UBE2E2: variants seen among roughly 807,000 people sequenced by gnomAD.
UBE2E2 encodes the protein ubiquitin conjugating enzyme E2 E2.
Under a neutral mutation model 24.7 loss-of-function variants are expected in UBE2E2, and 6 were observed. The ratio of observed to expected loss-of-function variants is 0.24; its 90% CI spans 0.13 to 0.48. UBE2E2 has a LOEUF of 0.48. UBE2E2 is among the 20% of genes least tolerant of loss of function. UBE2E2 has a pLI of 0.99. For synonymous variants in UBE2E2, 104 were observed against 83.6 expected, an observed-to-expected ratio of 1.24 and a Z score of -1.33; for missense variants, 169 against 245.0, an observed-to-expected ratio of 0.69 and a Z score of 2.07.
At chr3:23,435,908 G>A (rs1698168452) in intron 3 of UBE2E2, among the ~76,000 whole-genome samples, 1 of 152,104 alleles carries the variant, frequency 6.6e-6, no homozygotes, top group South Asian at 2.1e-4. Flanking sequence ...GGCAGGGGCG[G>A]GGCAGGCTGG....
intron 3 of UBE2E2, among the ~76,000 whole-genome samples, chr3:23,433,462 A>T (rs1414709038): frequency 6.6e-6 from 1 of 151,994 alleles, no homozygotes; most frequent in African/African-American, 2.4e-5. Flanking sequence ...TGATGTCAAC[A>T]GTGAATGTTA....
chr3:23,558,185 T>C (rs1287091579), intron 5 of UBE2E2, among the ~76,000 whole-genome samples: 1 of 152,202 alleles, frequency 6.6e-6, no homozygotes, highest in Non-Finnish European at 1.5e-5. Flanking sequence ...GTCTAAATAT[T>C]TCACCATGAC....
At chr3:23,221,087 G>A (rs771936080) in intron 3 of UBE2E2, among the ~76,000 whole-genome samples, 41 of 152,274 alleles carry the variant, frequency 2.7e-4, no homozygotes, top group African/African-American at 9.1e-4. Context: ...GAATGACAGA[G>A]AATCCTTATT....
At chr3:23,259,046 A>G (rs1697825187) in intron 3 of UBE2E2, among the ~76,000 whole-genome samples, 1 of 152,196 alleles carries the variant, frequency 6.6e-6, no homozygotes, top group African/African-American at 2.4e-5. Context: ...TAAGATAACC[A>G]ATTTTATACA....
intron 4 of UBE2E2, 59 bp downstream of exon 4, chr3:23,499,799 A>G (rs1699680812): frequency 6.4e-7 from 1 of 1,563,728 alleles, no homozygotes; most frequent in South Asian, 1.2e-5. Context: ...AGATACATAT[A>G]CTTATTCTTA....
chr3:23,361,554 A>T (rs765119507), intron 3 of UBE2E2, among the ~76,000 whole-genome samples: 2 of 152,342 alleles, frequency 1.3e-5, no homozygotes, highest in Middle Eastern at 3.4e-3. Flanking sequence ...GGTGGACATT[A>T]TTCTAAGTGA....
chr3:23,453,681 A>C (rs1189456167), intron 3 of UBE2E2, among the ~76,000 whole-genome samples: 1 of 152,220 alleles, frequency 6.6e-6, no homozygotes, highest in African/African-American at 2.4e-5. Context: ...ATTGCATATT[A>C]ACGACTTTAT....
At chr3:23,390,371 A>G (rs927076178) in intron 3 of UBE2E2, among the ~76,000 whole-genome samples, 3 of 152,160 alleles carry the variant, frequency 2.0e-5, no homozygotes, top group African/African-American at 4.8e-5. Flanking sequence ...GTCGGAGACT[A>G]CAGATAGATG....
chr3:23,547,852 G>A (rs543048449), intron 5 of UBE2E2, among the ~76,000 whole-genome samples: 31 of 152,218 alleles, frequency 2.0e-4, no homozygotes, highest in African/African-American at 7.5e-4. Flanking sequence ...TACCCACCCA[G>A]CCCTAAGGAG....
At chr3:23,396,321 A>ATATATATACGTATATATATATATGTG (rs1697074823) in intron 3 of UBE2E2, among the ~76,000 whole-genome samples, 2 of 112,418 alleles carry the variant, frequency 1.8e-5, no homozygotes, top group East Asian at 5.3e-4. Flanking sequence ...ATATATATGT[A>ATATATATACGTATATATATATATGTG]TATATATACG....
intron 3 of UBE2E2, among the ~76,000 whole-genome samples, chr3:23,436,621 C>G (rs1698191276): frequency 6.6e-6 from 1 of 151,708 alleles, no homozygotes; most frequent in Non-Finnish European, 1.5e-5. Context: ...CCGCTACACT[C>G]CAACCTTGGT....
At chr3:23,497,734 G>A (rs1401012004) in intron 3 of UBE2E2, among the ~76,000 whole-genome samples, 1 of 152,016 alleles carries the variant, frequency 6.6e-6, no homozygotes, top group Non-Finnish European at 1.5e-5. Flanking sequence ...CGTTGTCAGC[G>A]AGTTTTTTCA....
chr3:23,473,682 A>G (rs1297661236), intron 3 of UBE2E2, among the ~76,000 whole-genome samples: 1 of 152,060 alleles, frequency 6.6e-6, no homozygotes, highest in Non-Finnish European at 1.5e-5. Context: ...AGAACATACG[A>G]TGTTTGGTTT....
chr3:23,585,392 C>T (rs1247924787), intron 5 of UBE2E2, among the ~76,000 whole-genome samples: 3 of 138,496 alleles, frequency 2.2e-5, no homozygotes, highest in Non-Finnish European at 4.7e-5. Context: ...AAAAAAAAGA[C>T]ATGATTTTTA....
intron 3 of UBE2E2, among the ~76,000 whole-genome samples, chr3:23,447,366 G>A (rs1317042985): frequency 2.0e-5 from 3 of 152,164 alleles, no homozygotes; most frequent in Non-Finnish European, 4.4e-5. Context: ...TCAGTTCTAA[G>A]AAGCCTATTT....
intron 3 of UBE2E2, among the ~76,000 whole-genome samples, chr3:23,447,531 C>G (rs930403343): frequency 5.9e-5 from 9 of 152,134 alleles, no homozygotes; most frequent in Admixed American, 2.0e-4. Context: ...TTTCAAGATA[C>G]ACTACCTCAA....
At chr3:23,393,341 A>G (rs1217348797) in intron 3 of UBE2E2, among the ~76,000 whole-genome samples, 1 of 152,180 alleles carries the variant, frequency 6.6e-6, no homozygotes, top group African/African-American at 2.4e-5. Context: ...AAAGTGAGGG[A>G]ATGTCCTAAG....
chr3:23,457,317 G>GT (rs1698700828), intron 3 of UBE2E2, among the ~76,000 whole-genome samples: 1 of 152,128 alleles, frequency 6.6e-6, no homozygotes, highest in Admixed American at 6.5e-5. Context: ...CTTCCTGGAA[G>GT]TTTTTTTGAA....
chr3:23,332,220 G>A (rs375449952), intron 3 of UBE2E2, among the ~76,000 whole-genome samples: 12 of 152,094 alleles, frequency 7.9e-5, no homozygotes, highest in African/African-American at 1.9e-4. Context: ...ATGTCGGATC[G>A]CTGCAGCCTC....
Sources: allele counts gnomAD v4.1 joint callset (sites outside exome capture counted in the v4.1 genomes callset), GRCh38; gene constraint gnomAD v4.1.1; transcripts MANE v1.5; gene names NCBI Gene and HGNC (gene_info 2026-07-23, HGNC 2026-07-21).